ENTPD5: variants seen among roughly 807,000 people sequenced by gnomAD.
ENTPD5 encodes nucleoside diphosphate phosphatase ENTPD5.
In ENTPD5, 49 loss-of-function variants were observed where a neutral mutation model predicts 60.2. That is an observed-to-expected ratio of 0.81 (90% CI 0.65 to 1.03). The LOEUF (loss-of-function observed/expected upper bound fraction) is 1.03. Ranked by LOEUF, ENTPD5 falls within the 50% of genes least tolerant of loss-of-function variation. ENTPD5 has a pLI of 0.00. For missense variants in ENTPD5, 480 were observed against 507.6 expected (o/e 0.95, Z 0.52); for synonymous variants, 187 against 185.4 (o/e 1.01, Z -0.07).
Position 74,014,385 on chromosome 14 carries a change from C to T in ENTPD5, c.-131+1439G>A, listed in dbSNP as rs528458815. ...GAGTGAGATCCAGTCTTTACTCCCCCCCCCCACAAAAAAAAGTTAGCTGGG... is the reference window on the plus strand; with the variant it reads ...GAGTGAGATCCAGTCTTTACTCCCCTCCCCCACAAAAAAAAGTTAGCTGGG... On this transcript the variant is annotated intron_variant, in intron 2 of 15. Coordinates refer to ENST00000334696, the MANE Select transcript of ENTPD5 (RefSeq NM_001249.5). Among the ~76,000 whole-genome samples, 5 of 148,298 alleles carry T rather than the reference C, an allele frequency of 3.4e-5. No homozygotes were observed. In the South Asian group the frequency reaches 7.0e-4, roughly 21 times the overall value.
chr14:73,975,903 T>C, intron 10 of ENTPD5, 33 bp downstream of exon 10: 1 of 1,488,930 alleles, frequency 6.7e-7, no homozygotes, highest in South Asian at 1.2e-5. Flanking sequence ...TCATACAACA[T>C]GAAATATTCT....
chr14:74,015,720 C>T (rs952395448), intron 2 of ENTPD5, 104 bp downstream of exon 2: 2 of 151,924 alleles, frequency 1.3e-5, no homozygotes, highest in Non-Finnish European at 2.9e-5. Flanking sequence ...ACAAAATTAA[C>T]ATCACTTGGC....
intron 3 of ENTPD5, among the ~76,000 whole-genome samples, chr14:74,001,203 A>T (rs1012586043): frequency 1.3e-5 from 2 of 152,152 alleles, no homozygotes; most frequent in Middle Eastern, 3.4e-3. Context: ...ACAAAATATT[A>T]AAAAATTAGC....
downstream of ENTPD5, chr14:73,959,733 C>T: frequency 8.7e-7 from 1 of 1,151,208 alleles, no homozygotes; most frequent in South Asian, 1.6e-5. Context: ...CCATGCCCAG[C>T]TAATTTTTCT....
chr14:73,961,131 C>T, downstream of ENTPD5: 1 of 1,599,162 alleles, frequency 6.3e-7, no homozygotes, highest in Non-Finnish European at 8.5e-7. Context: ...TTCCCTGCTA[C>T]TCACATTTCA....
rs546671561 is a variant in ENTPD5 at position 73,963,369 on chromosome 14, G to A, written c.*3559C>T. On this transcript the variant is annotated 3_prime_UTR_variant, in exon 16 of 16. Coordinates refer to ENST00000334696, the MANE Select transcript of ENTPD5 (RefSeq NM_001249.5). ...TCATAAATTTATACAGTTGTTTTTT[G>A]ATAGAGGTAAGAATTAGACTCGATG... 8 of 364,474 alleles carry A rather than the reference G, an allele frequency of 2.2e-5. No homozygotes were observed. The highest frequency in any genetic ancestry group is 3.9e-5 in the Non-Finnish European group (8 of 203,660). 22.6% of individuals were successfully genotyped at this position (364,474 alleles called of 1,614,324 possible).
intron 3 of ENTPD5, among the ~76,000 whole-genome samples, chr14:73,994,433 G>A (rs928482654): frequency 6.6e-6 from 1 of 151,480 alleles, no homozygotes; most frequent in Non-Finnish European, 1.5e-5. Flanking sequence ...AGCAATGTAA[G>A]CCATTTTAAA....
intron 3 of ENTPD5, among the ~76,000 whole-genome samples, chr14:73,997,817 G>A (rs1439907434): frequency 6.6e-6 from 1 of 152,148 alleles, no homozygotes; most frequent in Non-Finnish European, 1.5e-5. Context: ...TATTAGGCCT[G>A]GAACATGCTG....
rs180936515 is a variant in ENTPD5 at position 73,980,058 on chromosome 14, T to C, written c.442-2684A>G. The stretch of plus-strand genomic sequence containing the variant: ...GCCTCCCAGGTTCAAGTAATTCTCC[T>C]GCCTCAGCCTCCCCAGTAGCTGGGA... On this transcript the variant is annotated intron_variant, in intron 6 of 15. Transcript: ENST00000334696. Among the ~76,000 whole-genome samples, 58 of 151,360 alleles carry C rather than the reference T, an allele frequency of 3.8e-4. 1 individual carries two copies. Among genetic ancestry groups the C allele is most frequent in the African/African-American group, 1.4e-3 (58 of 41,276 alleles).
Position 73,978,285 on chromosome 14 carries a change from A to G in ENTPD5, c.442-911T>C, listed in dbSNP as rs79758835. 4.3e-3 allele frequency among the ~76,000 whole-genome samples: 643 copies of G among 148,418 alleles called. 5 individuals are homozygous for G. Among genetic ancestry groups the G allele is most frequent in the African/African-American group, 0.016 (606 of 37,966 alleles). ...AACGGTGCTTTAAAAATGGACGTCA[A>G]ATCATGTGTTTCCTTGGCTCAAAAC... On this transcript the variant is annotated intron_variant, in intron 6 of 15. Transcript: ENST00000334696.
chr14:73,961,249 C>T, downstream of ENTPD5: 3 of 1,614,130 alleles, frequency 1.9e-6, no homozygotes, highest in South Asian at 1.1e-5. Context: ...CTTCTGAAGC[C>T]CACTAAGGTC....
At chr14:73,972,604 T>C (rs1041175602) in intron 13 of ENTPD5, among the ~76,000 whole-genome samples, 1 of 152,140 alleles carries the variant, frequency 6.6e-6, no homozygotes, top group Non-Finnish European at 1.5e-5. Context: ...TTCATGGGTG[T>C]ATACATGACA....
At chr14:73,958,003 C>T, downstream of ENTPD5, 1 of 752,524 alleles carries the variant, frequency 1.3e-6, no homozygotes, top group Admixed American at 1.9e-5. Context: ...TAGCTCAGAC[C>T]ACAGCATTAA....
chr14:73,984,828 C>T (rs2057834139), intron 5 of ENTPD5, among the ~76,000 whole-genome samples: 1 of 151,864 alleles, frequency 6.6e-6, no homozygotes, highest in Non-Finnish European at 1.5e-5. Flanking sequence ...ATACATGTGC[C>T]ACGTTGGTGG....
chr14:73,971,785 C>T (rs542071533), intron 14 of ENTPD5, 67 bp downstream of exon 14: 1 of 1,092,516 alleles, frequency 9.2e-7, no homozygotes, highest in East Asian at 2.3e-5. Flanking sequence ...CTTTAGGTCA[C>T]TTTAGGTCAC....
At position 73,973,905 on chromosome 14, in the gene ENTPD5, C is replaced by A. The variant is rs761652304; in HGVS notation, c.858G>T (p.Val286=). 2.5e-6 allele frequency: 4 copies of A among 1,614,076 alleles called. No individual in the cohort carries two copies. The highest frequency in any genetic ancestry group is 2.5e-6 in the Non-Finnish European group (3 of 1,179,974). ...CTTGGTTGCCACCATACTGGTATTTCACACCCCCAAAGATCCACTCTGCTT... is the reference window on the plus strand; with the variant it reads ...CTTGGTTGCCACCATACTGGTATTTAACACCCCCAAAGATCCACTCTGCTT... The part of the protein sequence containing the change: ...WLEAEWIFGG[V]KYQYGGNQEG... Residue 286 remains valine, a synonymous_variant, in exon 12 of 16, where the codon GTG becomes GTT. Transcript: ENST00000334696.
At chr14:73,972,816 C>T in intron 13 of ENTPD5, 68 bp downstream of exon 13, 1 of 1,565,424 alleles carries the variant, frequency 6.4e-7, no homozygotes, top group South Asian at 1.2e-5. Context: ...AGTGCTCTTT[C>T]TCCTTGACCT....
intron 3 of ENTPD5, among the ~76,000 whole-genome samples, chr14:73,995,938 T>C (rs2058328099): frequency 6.6e-6 from 1 of 152,124 alleles, no homozygotes; most frequent in South Asian, 2.1e-4. Context: ...TGTTTGTCAC[T>C]ATCTCCATCT....
chr14:73,990,089 G>A (rs917391707), intron 3 of ENTPD5, among the ~76,000 whole-genome samples: 4 of 151,906 alleles, frequency 2.6e-5, no homozygotes, highest in Non-Finnish European at 4.4e-5. Flanking sequence ...GGAGGCTGAG[G>A]TAGGAAGACC....
Sources: allele counts gnomAD v4.1 joint callset (sites outside exome capture counted in the v4.1 genomes callset), GRCh38; gene constraint gnomAD v4.1.1; transcripts MANE v1.5; gene names NCBI Gene and HGNC (gene_info 2026-07-23, HGNC 2026-07-21).